Variants in PRKAR1A observed in about 807,000 individuals in gnomAD.
PRKAR1A encodes cAMP-dependent protein kinase type I-alpha regulatory subunit.
Under a neutral mutation model 52.0 loss-of-function variants are expected in PRKAR1A, and 3 were observed. That is an observed-to-expected ratio of 0.06 (90% CI 0.03 to 0.15). The LOEUF (loss-of-function observed/expected upper bound fraction) is 0.15. Ranked by LOEUF, PRKAR1A falls within the 10% of genes least tolerant of loss-of-function variation. The pLI is 1.00. For synonymous variants in PRKAR1A, 188 were observed against 168.4 expected (o/e 1.12, Z -0.90); for missense variants, 240 against 477.4 (o/e 0.50, Z 4.63).
the PRKAR1A span, among the ~76,000 whole-genome samples, chr17:68,455,506 A>G: frequency 6.6e-6 from 1 of 152,220 alleles, no homozygotes; most frequent in Non-Finnish European, 1.5e-5. Flanking sequence ...CATTTATAGA[A>G]AAAGACATGG....
At chr17:68,522,024 T>G (rs1421953798) in intron 2 of PRKAR1A, among the ~76,000 whole-genome samples, 1 of 152,270 alleles carries the variant, frequency 6.6e-6, no homozygotes, top group East Asian at 1.9e-4. Flanking sequence ...AAACTCTTTT[T>G]GTCTTTTAAC....
chr17:68,531,117 A>G lies in PRKAR1A; in HGVS notation c.*668A>G. On this transcript the variant is annotated 3_prime_UTR_variant, in exon 11 of 11. Transcript: ENST00000589228. ...AATGTTTCTTCTCCAATTCTGAAATACTTTTGAGTATGGCTATCTATACCT... is the reference window on the plus strand; with the variant it reads ...AATGTTTCTTCTCCAATTCTGAAATGCTTTTGAGTATGGCTATCTATACCT... 6.6e-6 allele frequency: 7 copies of G among 1,067,490 alleles called. No individual in the cohort carries two copies. Among genetic ancestry groups the G allele is most frequent in the Non-Finnish European group, 8.0e-6 (7 of 880,476 alleles). 66.1% of individuals were successfully genotyped at this position (1,067,490 alleles called of 1,614,324 possible).
intron 11 of PRKAR1A, chr17:68,541,833 C>T: frequency 9.9e-6 from 9 of 908,740 alleles, no homozygotes; most frequent in Non-Finnish European, 1.5e-5. Flanking sequence ...AGAACAGACC[C>T]AGGCCTGCTG....
At chr17:68,540,153 G>A (rs76440969) in intron 11 of PRKAR1A, among the ~76,000 whole-genome samples, 1 of 152,142 alleles carries the variant, frequency 6.6e-6, no homozygotes, top group Non-Finnish European at 1.5e-5. Context: ...AGAAGGAAGC[G>A]AAACAAGCAA....
chr17:68,439,788 G>C, the PRKAR1A span, among the ~76,000 whole-genome samples: 1 of 152,200 alleles, frequency 6.6e-6, no homozygotes, highest in African/African-American at 2.4e-5. Flanking sequence ...CCTGTTTCCT[G>C]TCTGTGAAAT....
At chr17:68,527,789 G>T in intron 7 of PRKAR1A, 51 bp from the exon 8 acceptor site, 1 of 1,365,200 alleles carries the variant, frequency 7.3e-7, no homozygotes, top group South Asian at 1.2e-5. Flanking sequence ...AGCATTATGT[G>T]GTGATAATTA....
the PRKAR1A span, chr17:68,457,589 C>G: frequency 9.5e-5 from 37 of 387,816 alleles, no homozygotes; most frequent in Middle Eastern, 7.7e-4. Context: ...CTACCCCGCC[C>G]CGTCCCCGCC....
chr17:68,526,043 A>G (rs2085780020), intron 7 of PRKAR1A, 131 bp downstream of exon 7: 38 of 1,134,940 alleles, frequency 3.3e-5, no homozygotes, highest in Non-Finnish European at 4.5e-5. Flanking sequence ...ATAAGCGAAT[A>G]TTTTTCTTTT....
chr17:68,431,543 G>T, the PRKAR1A span, among the ~76,000 whole-genome samples: 1 of 152,180 alleles, frequency 6.6e-6, no homozygotes, highest in East Asian at 1.9e-4. Context: ...GGTGTCTGAG[G>T]AGGAGGTGTC....
chr17:68,539,500 A>C, intron 11 of PRKAR1A: 1 of 1,042,644 alleles, frequency 9.6e-7, no homozygotes, highest in Non-Finnish European at 1.5e-6. Context: ...GATTGGGGTA[A>C]AATGCCAGGG....
At chr17:68,430,656 C>T in the PRKAR1A span, among the ~76,000 whole-genome samples, 1 of 152,160 alleles carries the variant, frequency 6.6e-6, no homozygotes. Flanking sequence ...TGGAGTCACC[C>T]AGGTACCCAG....
upstream of PRKAR1A, among the ~76,000 whole-genome samples, chr17:68,510,488 C>G (rs945901926): frequency 6.6e-6 from 1 of 152,126 alleles, no homozygotes; most frequent in Non-Finnish European, 1.5e-5. Flanking sequence ...GAAACGGACA[C>G]CCATGGAGAT....
chr17:68,519,201 C>T lies in PRKAR1A; in HGVS notation c.178-3555C>T, dbSNP rs138634125. On this transcript the variant is annotated intron_variant, in intron 2 of 10. Transcript: ENST00000589228. ...TGGGTATCCTTGTAACAGCACCCCA[C>T]GCTCTGTGTACCATTTTACTGTATT... Among the ~76,000 whole-genome samples, 310 of 152,290 alleles carry T rather than the reference C, an allele frequency of 2.0e-3. 4 individuals are homozygous for T. Among genetic ancestry groups the T allele is most frequent in the Non-Finnish European group, 8.7e-4 (59 of 68,022 alleles).
At chr17:68,464,965 G>T in the PRKAR1A span, among the ~76,000 whole-genome samples, 1 of 146,408 alleles carries the variant, frequency 6.8e-6, no homozygotes, top group African/African-American at 2.5e-5. Context: ...TTGCTCTGTT[G>T]CCCAGGCTGG....
At chr17:68,548,537 A>G (rs534004740) in intron 11 of PRKAR1A, among the ~76,000 whole-genome samples, 2 of 151,980 alleles carry the variant, frequency 1.3e-5, no homozygotes, top group South Asian at 4.1e-4. Flanking sequence ...CTCAAAAAAA[A>G]AAAGTTTGAA....
At chr17:68,526,823 C>A (rs1287809201) in intron 7 of PRKAR1A, among the ~76,000 whole-genome samples, 1 of 152,128 alleles carries the variant, frequency 6.6e-6, no homozygotes, top group Non-Finnish European at 1.5e-5. Context: ...GTGTACTTTA[C>A]TTATTACCTG....
chr17:68,547,112 A>T (rs12941903), intron 11 of PRKAR1A, among the ~76,000 whole-genome samples: 29,905 of 151,874 alleles, frequency 0.2, 3,116 homozygotes, highest in African/African-American at 0.26. Flanking sequence ...CCAGGCTTTG[A>T]GGCTCCATTT....
At chr17:68,482,531 A>T in the PRKAR1A span, among the ~76,000 whole-genome samples, 34,287 of 152,170 alleles carry the variant, frequency 0.23, 4,138 homozygotes, top group Non-Finnish European at 0.26. Context: ...AATATTTTAA[A>T]TGGCAAAGAC....
the PRKAR1A span, among the ~76,000 whole-genome samples, chr17:68,494,629 C>T: frequency 6.6e-6 from 1 of 152,106 alleles, no homozygotes; most frequent in Non-Finnish European, 1.5e-5. Flanking sequence ...CTTTTGCCTG[C>T]CTCTCATGGA....
Sources: allele counts gnomAD v4.1 joint callset (sites outside exome capture counted in the v4.1 genomes callset), GRCh38; gene constraint gnomAD v4.1.1; transcripts MANE v1.5; gene names NCBI Gene and HGNC (gene_info 2026-07-23, HGNC 2026-07-21).